CD109: variants seen among roughly 807,000 people sequenced by gnomAD.
The protein encoded by CD109 is CD109 molecule, also known as CD109 antigen.
In CD109, 149 loss-of-function variants were observed where a neutral mutation model predicts 165.8. The observed-to-expected ratio is 0.90, with a 90% CI of 0.79 to 1.03. The LOEUF is 1.03. Among genes scored for constraint, CD109 ranks in the 50% least tolerant of loss-of-function variants. CD109 has a pLI of 0.00. For synonymous variants in CD109, 585 were observed against 592.1 expected (o/e 0.99, Z 0.18); for missense variants, 1,712 against 1,677.8 (o/e 1.02, Z -0.36).
intron 25 of CD109, among the ~76,000 whole-genome samples, chr6:73,807,446 A>T (rs1040879211): frequency 6.6e-6 from 1 of 152,180 alleles, no homozygotes; most frequent in Non-Finnish European, 1.5e-5. Context: ...TTTTACTTAT[A>T]AAACATCATG....
intron 3 of CD109, 93 bp from the exon 4 acceptor site, chr6:73,730,251 C>T (rs1772310295): frequency 2.5e-6 from 2 of 791,346 alleles, no homozygotes; most frequent in African/African-American, 1.7e-5. Flanking sequence ...TTTGATAATA[C>T]TGTGTATTTA....
chr6:73,814,943 T>C, intron 29 of CD109, 38 bp from the exon 30 acceptor site: 1 of 1,428,426 alleles, frequency 7.0e-7, no homozygotes, highest in Non-Finnish European at 9.2e-7. Context: ...TGGAAATTTA[T>C]GTCCAACTTG....
chr6:73,736,323 A>G, intron 4 of CD109, 60 bp from the exon 5 acceptor site: 1 of 1,581,878 alleles, frequency 6.3e-7, no homozygotes. Context: ...TCCTAACCTG[A>G]TAGGATACAC....
chr6:73,738,606 G>A (rs1480829968), intron 5 of CD109, among the ~76,000 whole-genome samples: 1 of 152,230 alleles, frequency 6.6e-6, no homozygotes, highest in African/African-American at 2.4e-5. Flanking sequence ...TCATGTTGTG[G>A]TTTGTGGACT....
chr6:73,720,556 G>A (rs1771910769), intron 2 of CD109, among the ~76,000 whole-genome samples: 1 of 151,990 alleles, frequency 6.6e-6, no homozygotes, highest in Admixed American at 6.6e-5. Context: ...AAATAGTGTG[G>A]TTTAGCCATT....
At position 73,782,639 on chromosome 6, in the gene CD109, G is replaced by T; in HGVS notation, c.1989G>T (p.Arg663Ser). The T allele has an allele frequency of 6.2e-7, 1 of 1,613,702 alleles. No individual in the cohort carries two copies. The highest frequency in any genetic ancestry group is 1.1e-5 in the South Asian group (1 of 91,038). ...ATGACAATGCAGAATATGCTGAGAGGTTTATGGAGGAAAATGAAGGACATA... is the reference window on the plus strand; with the variant it reads ...ATGACAATGCAGAATATGCTGAGAGTTTTATGGAGGAAAATGAAGGACATA... ...GVYDNAEYAE[R>S]FMEENEGHIV... is the part of the protein sequence containing the mutation. Residue 663 changes from arginine to serine, a missense_variant, in exon 18 of 33, where the codon AGG becomes AGT. By Grantham distance (110) the Arg-to-Ser change is moderately radical. Coordinates refer to ENST00000287097, the MANE Select transcript of CD109 (RefSeq NM_133493.5).
the CD109 span, among the ~76,000 whole-genome samples, chr6:73,687,999 T>C: frequency 6.6e-6 from 1 of 152,186 alleles, no homozygotes; most frequent in East Asian, 1.9e-4. Flanking sequence ...TCCCATTAGG[T>C]GAGAAACTCC....
At chr6:73,776,984 ATTTTT>A (rs36173181) in intron 15 of CD109, among the ~76,000 whole-genome samples, 2,866 of 102,792 alleles carry the variant, frequency 0.028, 82 homozygotes, top group African/African-American at 0.1. Flanking sequence ...TCCTTTGCCC[ATTTTT>A]TTTTTTTTTT....
intron 2 of CD109, among the ~76,000 whole-genome samples, chr6:73,704,363 G>A (rs552041974): frequency 2.0e-5 from 3 of 152,138 alleles, no homozygotes; most frequent in Non-Finnish European, 4.4e-5. Context: ...TGGCGGCGGA[G>A]GGAAGGCTCC....
intron 2 of CD109, among the ~76,000 whole-genome samples, chr6:73,706,707 A>G (rs1224768409): frequency 3.3e-5 from 5 of 152,178 alleles, no homozygotes; most frequent in Non-Finnish European, 5.9e-5. Flanking sequence ...TGACAGGTCT[A>G]TAGGTTGTTA....
upstream of CD109, among the ~76,000 whole-genome samples, chr6:73,693,084 AATTT>A (rs1174587857): frequency 2.0e-5 from 3 of 152,158 alleles, no homozygotes; most frequent in South Asian, 2.1e-4. Flanking sequence ...GATATACTGT[AATTT>A]ATTTAATCCT....
chr6:73,687,603 A>G, the CD109 span, among the ~76,000 whole-genome samples: 2 of 152,056 alleles, frequency 1.3e-5, no homozygotes, highest in African/African-American at 4.8e-5. Flanking sequence ...GGTAGATTGA[A>G]TTATTTGTCC....
At chr6:73,818,673 A>G (rs563080104) in intron 31 of CD109, 138 bp downstream of exon 31, 3 of 729,928 alleles carry the variant, frequency 4.1e-6, no homozygotes, top group Non-Finnish European at 6.6e-6. Context: ...TAACATGGCA[A>G]CCATATATTT....
intron 2 of CD109, among the ~76,000 whole-genome samples, chr6:73,706,828 A>G (rs557672945): frequency 6.6e-6 from 1 of 152,344 alleles, no homozygotes; most frequent in East Asian, 1.9e-4. Context: ...CCCTTTTGGC[A>G]GGGCTGTGTT....
rs1019439396 is a variant in CD109 at position 73,815,245 on chromosome 6, C to A, written c.3911+122C>A. ...ATTGAACAAAGAATTCAGTTATGCA[C>A]TACACTTCAGATTACAAACTAGAAA... On this transcript the variant is annotated intron_variant, in intron 30 of 32. Coordinates refer to ENST00000287097, the MANE Select transcript of CD109 (RefSeq NM_133493.5). The A allele has an allele frequency of 2.8e-5, 19 of 682,504 alleles. No homozygotes were observed. The Admixed American group carries it at 6.9e-4, about 25-fold the overall frequency. 42.3% of individuals were successfully genotyped at this position (682,504 alleles called of 1,614,324 possible). A position where few individuals can be genotyped will look rare whatever the true frequency, so the allele number is the denominator to read the frequency against.
In CD109 at chr6:73,812,224, C is replaced by T. The variant is rs2917862; in HGVS notation, c.3722C>T (p.Thr1241Met). 735,338 of 1,602,522 alleles carry T rather than the reference C, an allele frequency of 0.46. 172,081 individuals are homozygous for T. Among genetic ancestry groups the T allele is most frequent in the Middle Eastern group, 0.5 (3,024 of 6,030 alleles). The change falls in exon 29 of 33, where the codon ACG (threonine) becomes ATG (methionine). Residue 1241 changes from threonine (T) to methionine (M), a missense_variant. Coordinates refer to ENST00000287097, the MANE Select transcript of CD109 (RefSeq NM_133493.5). ...ATTCAGCTTGCTGTGGTACAGCCAACGGCAGTTAATATTTCCGCAAATGGT... is the reference window on the plus strand; with the variant it reads ...ATTCAGCTTGCTGTGGTACAGCCAATGGCAGTTAATATTTCCGCAAATGGT... ...QTAELAVVQP[T>M]AVNISANGFG...
rs201392120 is a variant in CD109 at position 73,823,456 on chromosome 6, A to G, written c.4163-2A>G. The G allele has an allele frequency of 1.4e-4, 226 of 1,600,410 alleles. No homozygotes were observed. Among genetic ancestry groups the G allele is most frequent in the Non-Finnish European group, 1.8e-4 (216 of 1,170,436 alleles). Reference sequence around the variant, plus strand: ...TGAACTGATGTCTGCTTCTTTGAACAGGGAGACAGGCGGTGAGAAGTTACA... The same window carrying G: ...TGAACTGATGTCTGCTTCTTTGAACGGGGAGACAGGCGGTGAGAAGTTACA... On this transcript the variant is annotated splice_acceptor_variant, in intron 32 of 32. Coordinates refer to ENST00000287097, the MANE Select transcript of CD109 (RefSeq NM_133493.5). LOFTEE classifies it high-confidence loss of function.
chr6:73,730,846 C>A (rs1442136087), intron 4 of CD109, among the ~76,000 whole-genome samples: 1 of 152,116 alleles, frequency 6.6e-6, no homozygotes, highest in Non-Finnish European at 1.5e-5. Flanking sequence ...GTGTTCCAGG[C>A]ACAGCGATAG....
intron 22 of CD109, among the ~76,000 whole-genome samples, chr6:73,791,096 G>A (rs1774911784): frequency 7.1e-6 from 1 of 140,728 alleles, no homozygotes; most frequent in Admixed American, 7.4e-5. Flanking sequence ...CCAATCCATA[G>A]GCAGAGGACT....
Sources: gnomAD v4.1 joint callset for allele counts (sites outside exome capture counted in the v4.1 genomes callset) on GRCh38, gnomAD v4.1.1 for gene constraint, MANE v1.5 for transcripts, NCBI Gene and HGNC (gene_info 2026-07-23, HGNC 2026-07-21) for gene names.